APP: variants seen among roughly 807,000 people sequenced by gnomAD.
APP encodes amyloid-beta precursor protein.
APP carries 31 observed loss-of-function variants against 101.4 expected under a neutral mutation model. That is an observed-to-expected ratio of 0.31 (90% CI 0.23 to 0.41). The LOEUF is 0.41. APP is among the 10% of genes least tolerant of loss of function. APP has a pLI of 1.00. For missense variants in APP, 839 were observed against 1,003.7 expected (o/e 0.84, Z 2.22); for synonymous variants, 366 against 364.4 (o/e 1.00, Z -0.05).
intron 3 of APP, among the ~76,000 whole-genome samples, chr21:26,075,915 C>T (rs368625475): frequency 5.3e-5 from 8 of 152,092 alleles, no homozygotes; most frequent in Non-Finnish European, 7.4e-5. Flanking sequence ...TTTTTTGAGA[C>T]GGAGTTTCGC....
chr21:26,150,291 T>C (rs932885320), intron 1 of APP, among the ~76,000 whole-genome samples: 7 of 152,058 alleles, frequency 4.6e-5, no homozygotes, highest in Non-Finnish European at 8.8e-5. Context: ...AAGGGTTATT[T>C]CAATAAGGTT....
At chr21:25,969,905 A>AGGGAGGG (rs1555831818) in intron 11 of APP, among the ~76,000 whole-genome samples, 1,675 of 79,328 alleles carry the variant, frequency 0.021, 33 homozygotes, top group Non-Finnish European at 0.03. Flanking sequence ...AGAGAAGAGA[A>AGGGAGGG]GAGGGGAGGG....
chr21:26,026,451 C>T (rs1209935963), intron 5 of APP, among the ~76,000 whole-genome samples: 1 of 152,202 alleles, frequency 6.6e-6, no homozygotes, highest in Non-Finnish European at 1.5e-5. Context: ...GAAATGACAT[C>T]ACAAAGGTGA....
At chr21:26,148,703 A>T (rs2063203457) in intron 1 of APP, among the ~76,000 whole-genome samples, 1 of 152,210 alleles carries the variant, frequency 6.6e-6, no homozygotes, top group Non-Finnish European at 1.5e-5. Context: ...ATTATTCTGA[A>T]GGGGCCAACA....
chr21:26,089,242 C>A (rs1414029161), intron 3 of APP, among the ~76,000 whole-genome samples: 1 of 152,120 alleles, frequency 6.6e-6, no homozygotes, highest in African/African-American at 2.4e-5. Flanking sequence ...ATAAAAACAA[C>A]AACTAGGAAC....
At chr21:25,899,283 G>A (rs1021374301) in intron 15 of APP, among the ~76,000 whole-genome samples, 3 of 152,150 alleles carry the variant, frequency 2.0e-5, no homozygotes, top group Non-Finnish European at 4.4e-5. Flanking sequence ...ACTTGGACTT[G>A]GGTAGCAAGA....
chr21:25,884,109 C>T (rs2037168649), intron 17 of APP, among the ~76,000 whole-genome samples: 1 of 152,218 alleles, frequency 6.6e-6, no homozygotes, highest in South Asian at 2.1e-4. Context: ...AAACTGACCT[C>T]AGGTGATCCG....
intron 16 of APP, among the ~76,000 whole-genome samples, chr21:25,893,464 G>C (rs1166002744): frequency 6.6e-6 from 1 of 152,236 alleles, no homozygotes; most frequent in Non-Finnish European, 1.5e-5. Flanking sequence ...AAAAGCTCTT[G>C]AAGGAGATTA....
intron 6 of APP, among the ~76,000 whole-genome samples, chr21:26,004,275 C>CT (rs71183538): frequency 0.066 from 4,768 of 72,672 alleles, 255 homozygotes; most frequent in Admixed American, 0.078. Context: ...TGTATTAATT[C>CT]TTTTTTTTTT....
chr21:25,997,273 T>C, intron 8 of APP, 87 bp downstream of exon 8: 1 of 1,280,112 alleles, frequency 7.8e-7, no homozygotes. Context: ...CACAAAACCA[T>C]GCAAAGAAGG....
rs1449599230 is a variant in APP, at chr21:25,954,684, C to T, written c.1593G>A (p.Met531Ile). The change falls in exon 13 of 18, where the codon ATG (methionine) becomes ATA (isoleucine). Residue 531 changes from methionine to isoleucine, a missense_variant. Coordinates refer to ENST00000346798, the MANE Select transcript of APP (RefSeq NM_000484.4). ...KKAAQIRSQV[M>I]THLRVIYERM... ...GCTCATAAATCACACGGAGGTGTGT[C>T]ATAACCTGCATCAAAGGATGACAAC... 1 of 1,612,942 alleles carries T rather than the reference C, an allele frequency of 6.2e-7. No individual in the cohort carries two copies. Among genetic ancestry groups the T allele is most frequent in the Admixed American group, 1.7e-5 (1 of 59,984 alleles).
At chr21:26,035,405 T>C (rs1360815340) in intron 5 of APP, among the ~76,000 whole-genome samples, 1 of 152,020 alleles carries the variant, frequency 6.6e-6, no homozygotes, top group Non-Finnish European at 1.5e-5. Context: ...TATTGACTTG[T>C]GTGACACTGA....
At chr21:26,040,400 G>A (rs1384716144) in intron 5 of APP, among the ~76,000 whole-genome samples, 1 of 152,026 alleles carries the variant, frequency 6.6e-6, no homozygotes, top group Non-Finnish European at 1.5e-5. Context: ...TCAGGAATTC[G>A]AGACCAGCCT....
chr21:26,090,713 T>C (rs987012149), intron 2 of APP, among the ~76,000 whole-genome samples: 1 of 152,224 alleles, frequency 6.6e-6, no homozygotes, highest in African/African-American at 2.4e-5. Flanking sequence ...GGGGATATTA[T>C]GTTTAGTAAA....
intron 2 of APP, among the ~76,000 whole-genome samples, chr21:26,093,045 AATACTTCTCTT>A (rs1402985790): frequency 1.3e-5 from 2 of 152,148 alleles, no homozygotes; most frequent in East Asian, 3.9e-4. Context: ...TCCTGCTATT[AATACTTCTCTT>A]TATTTTACTT....
intron 1 of APP, among the ~76,000 whole-genome samples, chr21:26,157,643 G>A (rs1463020437): frequency 5.3e-5 from 8 of 152,144 alleles, no homozygotes; most frequent in African/African-American, 1.7e-4. Context: ...TGATTTCAAA[G>A]CATACTTTCT....
chr21:26,140,063 A>G, intron 1 of APP: 1 of 1,011,768 alleles, frequency 9.9e-7, no homozygotes, highest in East Asian at 2.6e-5. Context: ...GTAACATTGT[A>G]CTTTTGAAAG....
chr21:25,968,469 T>G (rs2041883051), intron 11 of APP, among the ~76,000 whole-genome samples: 1 of 152,048 alleles, frequency 6.6e-6, no homozygotes, highest in South Asian at 2.1e-4. Flanking sequence ...CCTAAAGTAT[T>G]TATTTTAAAT....
At chr21:26,122,990 C>A (rs537597121) in intron 1 of APP, among the ~76,000 whole-genome samples, 2 of 152,156 alleles carry the variant, frequency 1.3e-5, no homozygotes, top group East Asian at 3.9e-4. Context: ...CACCTGCAAT[C>A]AGAACAAGTG....
Sources: allele counts gnomAD v4.1 joint callset (sites outside exome capture counted in the v4.1 genomes callset), GRCh38; gene constraint gnomAD v4.1.1; transcripts MANE v1.5; gene names NCBI Gene and HGNC (gene_info 2026-07-23, HGNC 2026-07-21).